The following ASIC2 variants were observed in gnomAD, a reference collection of about 807,000 sequenced individuals.
ASIC2 encodes the protein acid sensing ion channel subunit 2, also known as acid-sensing ion channel 2.
In ASIC2, 25 loss-of-function variants were observed where a neutral mutation model predicts 57.3. The observed-to-expected ratio is 0.44, with a 90% confidence interval of 0.32 to 0.61. The LOEUF (loss-of-function observed/expected upper bound fraction) is 0.61. Ranked by LOEUF, ASIC2 falls within the 20% of genes least tolerant of loss-of-function variation. The probability of loss-of-function intolerance (pLI) is 0.06; values close to 1 mark genes in which losing one functional copy is unlikely to be tolerated. For synonymous variants in ASIC2, 319 were observed against 307.5 expected (o/e 1.04, Z -0.39); for missense variants, 641 against 738.1 (o/e 0.87, Z 1.52).
rs181112211 is a variant in ASIC2 at position 33,841,423 on chromosome 17, G to A, written c.555+314555C>T. Among the ~76,000 whole-genome samples, 388 of 152,330 alleles carry A rather than the reference G, an allele frequency of 2.5e-3. 2 individuals carry two copies. Among genetic ancestry groups the A allele is most frequent in the African/African-American group, 8.7e-3 (362 of 41,580 alleles). On this transcript the variant is annotated intron_variant, in intron 1 of 9. Coordinates refer to the ASIC2 transcript ENST00000359872. ...CAGGCTTTAAGCCTAAAGTGCTGGA[G>A]GCTATTAGCCACCTGAGGCAAGGCA...
rs373531525 is a variant in ASIC2 at position 33,507,585 on chromosome 17, C to CT, written c.556-395519dup. 2.7e-3 allele frequency among the ~76,000 whole-genome samples: 400 copies of CT among 149,246 alleles called. 3 individuals carry two copies. Among genetic ancestry groups the CT allele is most frequent in the African/African-American group, 8.2e-3 (337 of 40,920 alleles). ...TATGCTTTCATTCTCATCGTTTTCTCTTTTTTTTTTGTTGCAACCCTTTAA... is the reference window on the plus strand; with the variant it reads ...TATGCTTTCATTCTCATCGTTTTCTCTTTTTTTTTTTGTTGCAACCCTTTAA... On this transcript the variant is annotated intron_variant, in intron 1 of 9. Coordinates refer to the ASIC2 transcript ENST00000359872.
intron 1 of ASIC2, among the ~76,000 whole-genome samples, chr17:33,507,569 A>C (rs67876598): frequency 6.6e-6 from 1 of 151,902 alleles, no homozygotes; most frequent in East Asian, 1.9e-4. Context: ...ATATGCTTTC[A>C]TTCTCATCGT....
chr17:34,064,983 G>A (rs886612199), intron 1 of ASIC2, among the ~76,000 whole-genome samples: 1 of 152,178 alleles, frequency 6.6e-6, no homozygotes, highest in African/African-American at 2.4e-5. Context: ...ATTCTTTAAA[G>A]AACTAAAAGT....
intron 1 of ASIC2, among the ~76,000 whole-genome samples, chr17:33,127,409 C>T (rs114570496): frequency 0.017 from 2,520 of 152,246 alleles, 66 homozygotes; most frequent in African/African-American, 0.056. Context: ...TTCCATTGTG[C>T]CTGAATATAA....
At chr17:33,289,024 A>AT (rs1382023032) in intron 1 of ASIC2, among the ~76,000 whole-genome samples, 1 of 152,160 alleles carries the variant, frequency 6.6e-6, no homozygotes, top group Non-Finnish European at 1.5e-5. Flanking sequence ...GCTCCCTGAA[A>AT]TAGCTTCTGG....
intron 1 of ASIC2, among the ~76,000 whole-genome samples, chr17:33,180,547 C>A (rs1484960522): frequency 6.6e-6 from 1 of 152,136 alleles, no homozygotes; most frequent in Non-Finnish European, 1.5e-5. Context: ...CCTCCTTACT[C>A]TACATTCCAC....
intron 1 of ASIC2, among the ~76,000 whole-genome samples, chr17:33,830,729 G>T (rs951038522): frequency 6.6e-6 from 1 of 151,718 alleles, no homozygotes; most frequent in East Asian, 1.9e-4. Flanking sequence ...CCTACCCTCC[G>T]ACAGGTCCCG....
intron 3 of ASIC2, among the ~76,000 whole-genome samples, chr17:33,068,547 A>AACAAAACAAT (rs1328654202): frequency 6.6e-6 from 1 of 151,860 alleles, no homozygotes; most frequent in Admixed American, 6.6e-5. Context: ...AACAAAACAA[A>AACAAAACAAT]ACAAAACAAA....
chr17:33,802,175 C>A (rs538652992), intron 1 of ASIC2, among the ~76,000 whole-genome samples: 1 of 152,158 alleles, frequency 6.6e-6, no homozygotes, highest in Non-Finnish European at 1.5e-5. Flanking sequence ...TGTACCTTTT[C>A]TATGTTTAGA....
intron 1 of ASIC2, among the ~76,000 whole-genome samples, chr17:34,065,927 AG>A (rs1296052423): frequency 6.6e-6 from 1 of 152,214 alleles, no homozygotes; most frequent in Non-Finnish European, 1.5e-5. Flanking sequence ...TTTGCATCCT[AG>A]AAACTTATTT....
chr17:33,283,758 T>C (rs1349966729), intron 1 of ASIC2, among the ~76,000 whole-genome samples: 1 of 152,186 alleles, frequency 6.6e-6, no homozygotes, highest in Non-Finnish European at 1.5e-5. Context: ...CAATAGAGTG[T>C]AATCAGCATC....
intron 1 of ASIC2, among the ~76,000 whole-genome samples, chr17:33,881,024 A>T (rs543299313): frequency 6.6e-6 from 1 of 152,334 alleles, no homozygotes; most frequent in African/African-American, 2.4e-5. Flanking sequence ...TGATTATCTC[A>T]ATAGATGCAG....
At chr17:33,276,363 T>C (rs933162907) in intron 1 of ASIC2, among the ~76,000 whole-genome samples, 1 of 152,212 alleles carries the variant, frequency 6.6e-6, no homozygotes, top group Non-Finnish European at 1.5e-5. Context: ...CAATTCTAAC[T>C]AAAGGCCTTG....
intron 1 of ASIC2, among the ~76,000 whole-genome samples, chr17:33,545,603 C>A (rs1915552988): frequency 6.6e-6 from 1 of 152,112 alleles, no homozygotes; most frequent in African/African-American, 2.4e-5. Context: ...CTCTTCTTAA[C>A]CACTTCTGTC....
At chr17:33,556,688 T>C (rs1915918651) in intron 1 of ASIC2, among the ~76,000 whole-genome samples, 2 of 152,212 alleles carry the variant, frequency 1.3e-5, no homozygotes, top group South Asian at 4.1e-4. Context: ...ACAGTCATCT[T>C]TGAGGGAAGA....
chr17:33,544,731 T>G (rs773200271), intron 1 of ASIC2, among the ~76,000 whole-genome samples: 4 of 152,186 alleles, frequency 2.6e-5, no homozygotes, highest in Non-Finnish European at 5.9e-5. Flanking sequence ...TTTGCATACT[T>G]ATTAAAATAG....
At chr17:33,046,091 G>T (rs576334964) in intron 3 of ASIC2, among the ~76,000 whole-genome samples, 28 of 152,296 alleles carry the variant, frequency 1.8e-4, no homozygotes, top group African/African-American at 6.5e-4. Flanking sequence ...GCTTGACTCT[G>T]CTCCTTAGCT....
chr17:33,289,508 G>T (rs1336221744), intron 1 of ASIC2, among the ~76,000 whole-genome samples: 1 of 152,154 alleles, frequency 6.6e-6, no homozygotes, highest in Non-Finnish European at 1.5e-5. Context: ...GTAGAGGTGG[G>T]GGAGAGGGCA....
chr17:33,753,298 G>A (rs1910490035), intron 1 of ASIC2, among the ~76,000 whole-genome samples: 1 of 152,156 alleles, frequency 6.6e-6, no homozygotes, highest in African/African-American at 2.4e-5. Flanking sequence ...GCCATGGATT[G>A]GGGGAAGAAA....
Sources: gnomAD v4.1 joint callset for allele counts (sites outside exome capture counted in the v4.1 genomes callset) on GRCh38, gnomAD v4.1.1 for gene constraint, MANE v1.5 for transcripts, NCBI Gene and HGNC (gene_info 2026-07-23, HGNC 2026-07-21) for gene names.